MICU1: variants seen among roughly 807,000 people sequenced by gnomAD.
The protein encoded by MICU1 is mitochondrial calcium uptake 1.
MICU1 carries 45 observed loss-of-function variants against 56.8 expected under a neutral mutation model. The observed-to-expected ratio is 0.79, with a 90% confidence interval of 0.62 to 1.02. The LOEUF is 1.02. Ranked by LOEUF, MICU1 falls within the 50% of genes least tolerant of loss-of-function variation. The pLI, the probability that MICU1 is intolerant of heterozygous loss-of-function variation, is 0.00. For synonymous variants in MICU1, 186 were observed against 195.1 expected (o/e 0.95, Z 0.39); for missense variants, 504 against 587.1 (o/e 0.86, Z 1.46).
intron 4 of MICU1, among the ~76,000 whole-genome samples, chr10:72,539,754 GA>G (rs770930743): frequency 9.2e-5 from 14 of 152,030 alleles, no homozygotes; most frequent in Admixed American, 4.6e-4. Context: ...ATAGAGAGTA[GA>G]AAAAGCACAA....
chr10:72,575,418 G>A (rs1840715636), intron 1 of MICU1, among the ~76,000 whole-genome samples: 1 of 152,126 alleles, frequency 6.6e-6, no homozygotes, highest in African/African-American at 2.4e-5. Context: ...CAAAAAAAGA[G>A]TAAGTCTTCT....
chr10:72,594,252 T>C (rs770309408), intron 1 of MICU1, among the ~76,000 whole-genome samples: 4 of 152,116 alleles, frequency 2.6e-5, no homozygotes, highest in Admixed American at 6.5e-5. Flanking sequence ...GATCATTCAA[T>C]GAGGGAAAGG....
intron 8 of MICU1, among the ~76,000 whole-genome samples, chr10:72,441,611 T>A (rs999357432): frequency 3.5e-5 from 4 of 115,826 alleles, no homozygotes; most frequent in African/African-American, 1.2e-4. Context: ...TATTTTTAAT[T>A]TTTCTTTTTT....
At chr10:72,477,595 A>G (rs755518054) in intron 6 of MICU1, 24 of 1,498,066 alleles carry the variant, frequency 1.6e-5, no homozygotes, top group African/African-American at 1.4e-5. Flanking sequence ...TCAATATGGT[A>G]TTACTTATCT....
At chr10:72,433,663 C>T (rs1464170017) in intron 8 of MICU1, among the ~76,000 whole-genome samples, 1 of 152,182 alleles carries the variant, frequency 6.6e-6, no homozygotes, top group Admixed American at 6.5e-5. Flanking sequence ...CTCCTGACAT[C>T]AGGTGATCCA....
intron 8 of MICU1, among the ~76,000 whole-genome samples, chr10:72,428,999 G>A (rs1364432345): frequency 2.0e-5 from 3 of 152,184 alleles, no homozygotes; most frequent in Non-Finnish European, 4.4e-5. Context: ...TGGCTTACCC[G>A]TTCCGAGGGT....
At chr10:72,511,134 C>T (rs927033649) in intron 5 of MICU1, among the ~76,000 whole-genome samples, 3 of 152,166 alleles carry the variant, frequency 2.0e-5, no homozygotes, top group Non-Finnish European at 1.5e-5. Flanking sequence ...GATAAATTCA[C>T]CATTTTTACC....
intron 8 of MICU1, among the ~76,000 whole-genome samples, chr10:72,435,520 T>A (rs1864682335): frequency 6.6e-6 from 1 of 151,852 alleles, no homozygotes; most frequent in Admixed American, 6.6e-5. Context: ...AGGTATCTGG[T>A]TCATCTCACT....
At chr10:72,383,408 G>A (rs1193042576) in intron 10 of MICU1, among the ~76,000 whole-genome samples, 2 of 152,102 alleles carry the variant, frequency 1.3e-5, no homozygotes, top group African/African-American at 2.4e-5. Context: ...ATATTTTGTA[G>A]ATATAAAATC....
At chr10:72,461,457 A>T (rs10509341) in intron 8 of MICU1, among the ~76,000 whole-genome samples, 6,494 of 152,316 alleles carry the variant, frequency 0.043, 449 homozygotes, top group African/African-American at 0.15. Flanking sequence ...AGACTGATTC[A>T]TATGTCCCAA....
intron 6 of MICU1, among the ~76,000 whole-genome samples, chr10:72,501,016 T>G (rs755891548): frequency 7.2e-5 from 11 of 152,162 alleles, no homozygotes; most frequent in Non-Finnish European, 1.5e-4. Flanking sequence ...ATTAACTTAC[T>G]TTAAGAATCA....
At chr10:72,446,451 C>A (rs1865107702) in intron 8 of MICU1, among the ~76,000 whole-genome samples, 1 of 152,046 alleles carries the variant, frequency 6.6e-6, no homozygotes, top group African/African-American at 2.4e-5. Flanking sequence ...CTGCCTCAGC[C>A]TCCTTAGTAG....
chr10:72,377,589 C>T (rs566288585), intron 10 of MICU1, among the ~76,000 whole-genome samples: 1 of 152,232 alleles, frequency 6.6e-6, no homozygotes, highest in East Asian at 1.9e-4. Flanking sequence ...ACAGGAAGGA[C>T]GAGGCAATTT....
At chr10:72,394,307 C>A (rs994948137) in intron 10 of MICU1, among the ~76,000 whole-genome samples, 7 of 152,112 alleles carry the variant, frequency 4.6e-5, no homozygotes, top group Non-Finnish European at 8.8e-5. Flanking sequence ...TTTTGGGGGC[C>A]ACCACGTAAC....
At chr10:72,624,282 C>A (rs1023177073) in intron 1 of MICU1, among the ~76,000 whole-genome samples, 4 of 152,208 alleles carry the variant, frequency 2.6e-5, no homozygotes, top group Admixed American at 6.5e-5. Context: ...GCAGCCTCAA[C>A]CTCGAGGGCT....
chr10:72,408,160 T>C (rs972104759), intron 9 of MICU1, 123 bp from the exon 10 acceptor site: 3 of 614,810 alleles, frequency 4.9e-6, no homozygotes, highest in Non-Finnish European at 8.6e-6. Flanking sequence ...AGAAACTGAA[T>C]ACATTAGTCA....
intron 8 of MICU1, among the ~76,000 whole-genome samples, chr10:72,443,463 G>A (rs1474911387): frequency 2.0e-5 from 3 of 152,170 alleles, no homozygotes; most frequent in African/African-American, 7.2e-5. Context: ...TGTCCTGAAT[G>A]GTAATGCCTA....
chr10:72,436,427 C>T (rs1864724133), intron 8 of MICU1, among the ~76,000 whole-genome samples: 1 of 152,128 alleles, frequency 6.6e-6, no homozygotes, highest in Admixed American at 6.5e-5. Flanking sequence ...CATCAAAGAC[C>T]AAAGGTAGAT....
At chr10:72,412,622 G>A (rs915653737) in intron 9 of MICU1, among the ~76,000 whole-genome samples, 4 of 152,006 alleles carry the variant, frequency 2.6e-5, no homozygotes, top group South Asian at 2.1e-4. Flanking sequence ...AGGTCGAGGC[G>A]GCTCGATCAC....
Sources: allele counts gnomAD v4.1 joint callset (sites outside exome capture counted in the v4.1 genomes callset), GRCh38; gene constraint gnomAD v4.1.1; transcripts MANE v1.5; gene names NCBI Gene and HGNC (gene_info 2026-07-23, HGNC 2026-07-21).